INF2: variants seen among roughly 807,000 people sequenced by gnomAD.
The protein encoded by INF2 is inverted formin-2.
In INF2, 43 loss-of-function variants were observed where a neutral mutation model predicts 123.5. That is an observed-to-expected ratio of 0.35 (90% CI 0.27 to 0.45). The LOEUF (loss-of-function observed/expected upper bound fraction) is 0.45. INF2 is among the 20% of genes least tolerant of loss of function. The pLI, the probability that INF2 is intolerant of heterozygous loss-of-function variation, is 1.00. For synonymous variants in INF2, 851 were observed against 745.0 expected (o/e 1.14, Z -2.32); for missense variants, 1,453 against 1,682.7 (o/e 0.86, Z 2.39).
In INF2 at chr14:104,706,071, G is replaced by A; in HGVS notation, c.738G>A (p.Glu246=). 1.2e-6 allele frequency: 2 copies of A among 1,612,622 alleles called. No homozygotes were observed. The highest frequency in any genetic ancestry group is 1.7e-6 in the Non-Finnish European group (2 of 1,179,750). ...ATGCCGACCTGCTGATCCAGCTGGA[G>A]GCTTTCGAGGAGGCTAAGGCCGAGG... is the stretch of plus-strand genomic sequence containing the variant. The part of the protein sequence containing the change: ...LEDADLLIQL[E]AFEEAKAEDE... The change falls in exon 6 of 23, where the codon GAG becomes GAA. Residue 246 remains glutamate (E), a synonymous_variant. Coordinates refer to ENST00000392634, the MANE Select transcript of INF2 (RefSeq NM_022489.4).
At chr14:104,708,399 C>G in intron 8 of INF2, 37 bp from the exon 9 acceptor site, 1 of 1,605,274 alleles carries the variant, frequency 6.2e-7, no homozygotes, top group Non-Finnish European at 8.5e-7. Context: ...GGCCCCGGGG[C>G]TGCGAGAGCC....
chr14:104,698,938 C>T (rs1241511772), intron 1 of INF2, among the ~76,000 whole-genome samples: 2 of 152,182 alleles, frequency 1.3e-5, no homozygotes, highest in Non-Finnish European at 2.9e-5. Context: ...GGCACCCAGG[C>T]ACGGGGGTAT....
intron 10 of INF2, 33 bp downstream of exon 10, chr14:104,708,765 A>G (rs745653761): frequency 6.2e-7 from 1 of 1,608,618 alleles, no homozygotes; most frequent in South Asian, 1.1e-5. Flanking sequence ...ATCCCAGGCC[A>G]CGGAGCCTCG....
At chr14:104,689,579 C>T (rs1888832908), upstream of INF2, 2 of 926,240 alleles carry the variant, frequency 2.2e-6, no homozygotes, top group Non-Finnish European at 2.6e-6. Flanking sequence ...CGGGGCGGCA[C>T]CTCCTCTTCC....
chr14:104,701,831 C>A, intron 2 of INF2, 75 bp downstream of exon 2: 1 of 1,413,928 alleles, frequency 7.1e-7, no homozygotes, highest in Non-Finnish European at 9.3e-7. Context: ...CAAAAGGCCC[C>A]GGGAGGCCTG....
upstream of INF2, among the ~76,000 whole-genome samples, chr14:104,686,428 G>A (rs554777401): frequency 6.6e-6 from 1 of 151,154 alleles, no homozygotes; most frequent in South Asian, 2.1e-4. Flanking sequence ...GGATGGATGA[G>A]GGTGGGTGGG....
chr14:104,704,157 C>G, intron 5 of INF2: 1 of 1,444,438 alleles, frequency 6.9e-7, no homozygotes, highest in Non-Finnish European at 9.1e-7. Flanking sequence ...CCCACAGAAA[C>G]TAGGGTTGCA....
chr14:104,712,414 G>A lies in INF2; in HGVS notation c.2490-19G>A, dbSNP rs748196254. 1.2e-6 allele frequency: 2 copies of A among 1,611,938 alleles called. No homozygotes were observed. The highest frequency in any genetic ancestry group is 8.5e-7 in the Non-Finnish European group (1 of 1,179,534). Reference sequence around the variant, plus strand: ...ACGTCAGCCGTTGCTGTCTCTGCCCGGCCCTCCTCACCTTTCAGGATCAAC... The same window carrying A: ...ACGTCAGCCGTTGCTGTCTCTGCCCAGCCCTCCTCACCTTTCAGGATCAAC... On this transcript the variant is annotated intron_variant, in intron 16 of 22. Coordinates refer to ENST00000392634, the MANE Select transcript of INF2 (RefSeq NM_022489.4).
intron 5 of INF2, 86 bp from the exon 6 acceptor site, chr14:104,705,949 G>T: frequency 6.5e-7 from 1 of 1,531,188 alleles, no homozygotes; most frequent in South Asian, 1.2e-5. Context: ...GAGCGGGGCT[G>T]GTACACTGGC....
chr14:104,711,104 G>C lies in INF2; in HGVS notation c.2336G>C (p.Gly779Ala). 1 of 1,590,222 alleles carries C rather than the reference G, an allele frequency of 6.3e-7. No individual in the cohort carries two copies. The highest frequency in any genetic ancestry group is 8.5e-7 in the Non-Finnish European group (1 of 1,169,850). The change falls in exon 15 of 23, where the codon GGC becomes GCC. Residue 779 changes from glycine to alanine, a missense_variant. Gly to Ala is a moderately conservative substitution (Grantham distance 60). Transcript: ENST00000392634. ...GGCAGCCACACCGGTGACGCCGACGGCTTCAAGATCAGCACATTGCTGAAG... is the reference window on the plus strand; with the variant it reads ...GGCAGCCACACCGGTGACGCCGACGCCTTCAAGATCAGCACATTGCTGAAG... The part of the protein sequence containing the change: ...NYGSHTGDAD[G>A]FKISTLLKLT...
chr14:104,714,795 G>A lies in INF2; in HGVS notation c.3633G>A (p.Arg1211=), dbSNP rs1293384292. The A allele has an allele frequency of 6.3e-7, 1 of 1,597,504 alleles. No individual in the cohort carries two copies. Among genetic ancestry groups the A allele is most frequent in the Non-Finnish European group, 8.5e-7 (1 of 1,174,134 alleles). ...GGTCGGGCACACTCCCCAGGGCCCG[G>A]GGCCGGGCCTCAAAGGGGACCGGGA... The part of the protein sequence containing the change: ...SSGSGTLPRA[R]GRASKGTGKR... Residue 1211 remains arginine, a synonymous_variant, in exon 21 of 23, where the codon CGG becomes CGA. Coordinates refer to ENST00000392634, the MANE Select transcript of INF2 (RefSeq NM_022489.4).
At chr14:104,683,252 C>T (rs1888573994) in intron 1 of INF2, among the ~76,000 whole-genome samples, 1 of 152,074 alleles carries the variant, frequency 6.6e-6, no homozygotes, top group Non-Finnish European at 1.5e-5. Flanking sequence ...GTAGAGTGAC[C>T]CCTCCGTGGC....
At chr14:104,711,796 C>T (rs1457308831) in intron 16 of INF2, 97 bp downstream of exon 16, 32 of 1,159,266 alleles carry the variant, frequency 2.8e-5, no homozygotes, top group Non-Finnish European at 3.7e-5. Flanking sequence ...CTGGGTCTCA[C>T]AGCTGCAGCG....
At chr14:104,713,364 C>T in intron 19 of INF2, 55 bp downstream of exon 19, 1 of 1,559,568 alleles carries the variant, frequency 6.4e-7, no homozygotes, top group Non-Finnish European at 8.7e-7. Context: ...CTTGTCTGTG[C>T]TCCAGCCTCC....
chr14:104,715,003 C>A, intron 21 of INF2, 147 bp downstream of exon 21: 2 of 900,908 alleles, frequency 2.2e-6, no homozygotes, highest in South Asian at 1.8e-5. Context: ...GGCGGCAGTG[C>A]GTCCACCGCA....
chr14:104,701,291 C>T (rs866231332), intron 1 of INF2, 66 bp from the exon 2 acceptor site: 55 of 1,505,092 alleles, frequency 3.7e-5, no homozygotes, highest in Middle Eastern at 4.7e-4. Flanking sequence ...GCCCCGCCTG[C>T]GCTGGTGGCC....
chr14:104,702,620 G>A (rs1889581494), intron 2 of INF2, among the ~76,000 whole-genome samples: 1 of 152,256 alleles, frequency 6.6e-6, no homozygotes, highest in Non-Finnish European at 1.5e-5. Flanking sequence ...CGGACCCAGG[G>A]GACAGAGGCA....
rs370719592 is a variant in INF2, at chr14:104,713,555, G to A, written c.2989G>A (p.Asp997Asn). Residue 997 changes from aspartate to asparagine, a missense_variant, in exon 20 of 23, where the codon GAC becomes AAC. By Grantham distance (23) the Asp-to-Asn change is conservative. Transcript: ENST00000392634. ...GACAGCCCGGGGCCGCGGGGACACC[G>A]ACGGGGGCAGCAAGGCAGCCTCCAT... is the stretch of plus-strand genomic sequence containing the variant. ...RKTARGRGDT[D>N]GGSKAASMDP... is the part of the protein sequence containing the mutation. The A allele has an allele frequency of 3.6e-5, 58 of 1,612,088 alleles. No individual in the cohort carries two copies. Among genetic ancestry groups the A allele is most frequent in the Non-Finnish European group, 3.6e-5 (43 of 1,179,692 alleles).
chr14:104,687,566 C>T (rs1194567439), upstream of INF2, among the ~76,000 whole-genome samples: 2 of 152,112 alleles, frequency 1.3e-5, no homozygotes, highest in Non-Finnish European at 2.9e-5. This position sits in a 1 kb window ranked among gnomAD's most constrained non-coding sequence, Gnocchi z 5.6. Flanking sequence ...ACTTCTCCAA[C>T]CTCTCTCCAA....
Sources: allele counts gnomAD v4.1 joint callset (sites outside exome capture counted in the v4.1 genomes callset), GRCh38; gene constraint gnomAD v4.1.1; non-coding constraint Gnocchi (gnomAD v3.1); transcripts MANE v1.5; gene names NCBI Gene and HGNC (gene_info 2026-07-23, HGNC 2026-07-21).